The following SH3BP5 variants were observed in gnomAD, a reference collection of about 807,000 sequenced individuals.
The protein encoded by SH3BP5 is SH3 domain binding protein 5.
SH3BP5 carries 22 observed loss-of-function variants against 43.3 expected under a neutral mutation model. The ratio of observed to expected loss-of-function variants is 0.51; its 90% CI spans 0.36 to 0.73. The LOEUF (loss-of-function observed/expected upper bound fraction) is 0.73, where lower values mean the gene tolerates loss of function less well. Ranked by LOEUF, SH3BP5 falls within the 30% of genes least tolerant of loss-of-function variation. The pLI is 0.00. For synonymous variants in SH3BP5, 255 were observed against 225.8 expected (o/e 1.13, Z -1.16); for missense variants, 529 against 586.9 (o/e 0.90, Z 1.02).
intron 3 of SH3BP5, among the ~76,000 whole-genome samples, chr3:15,275,008 A>C (rs927567233): frequency 2.0e-5 from 3 of 152,146 alleles, no homozygotes; most frequent in African/African-American, 7.2e-5. Flanking sequence ...ATTCGACAGG[A>C]GATTTGGGAG....
rs1559432626 is a variant in SH3BP5 at position 15,272,559 on chromosome 3, A to AGATTTGATGATACCTCAGATCAAATTTT, written c.331-2683_331-2682insAAAATTTGATCTGAGGTATCATCAAATC. ...CATTACAAAACAGAGTGCCTGTAGGATAAAGACATTACAAAACAGAGTGCC... is the reference window on the plus strand; with the variant it reads ...CATTACAAAACAGAGTGCCTGTAGGAGATTTGATGATACCTCAGATCAAATTTTTAAAGACATTACAAAACAGAGTGCC... On this transcript the variant is annotated intron_variant, in intron 3 of 8. Coordinates refer to ENST00000383791, the MANE Select transcript of SH3BP5 (RefSeq NM_004844.5). Among the ~76,000 whole-genome samples the AGATTTGATGATACCTCAGATCAAATTTT allele has an allele frequency of 1.6e-4, 16 of 100,914 alleles. 2 individuals are homozygous for AGATTTGATGATACCTCAGATCAAATTTT. Among genetic ancestry groups the AGATTTGATGATACCTCAGATCAAATTTT allele is most frequent in the African/African-American group, 6.6e-4 (13 of 19,784 alleles). The allele number at this position is 100,914 out of a possible 152,430, so 66.2% of individuals were successfully genotyped here. A position where few individuals can be genotyped will look rare whatever the true frequency, so the allele number is the denominator to read the frequency against.
At chr3:15,319,708 C>T (rs997118648) in intron 2 of SH3BP5, among the ~76,000 whole-genome samples, 2 of 152,178 alleles carry the variant, frequency 1.3e-5, no homozygotes, top group South Asian at 2.1e-4. Context: ...AAAGGTCACA[C>T]GTAGGCACTC....
rs554838053 is a variant in SH3BP5 at position 15,254,803 on chromosome 3, G to A, written c.*1283C>T. 6.6e-6 allele frequency: 1 copy of A among 152,180 alleles called. No homozygotes were observed. The highest frequency in any genetic ancestry group is 1.5e-5 in the Non-Finnish European group (1 of 68,032). The allele number at this position is 152,180 out of a possible 1,614,324, so 9.4% of individuals were successfully genotyped here. ...CTTATGGAAAAAGGGTTGCCTAGAA[G>A]ATTTAGGCAATACTGGGAGTTCTTA... On this transcript the variant is annotated 3_prime_UTR_variant, in exon 9 of 9. Transcript: ENST00000383791.
chr3:15,265,915 T>C (rs993194027), intron 4 of SH3BP5, among the ~76,000 whole-genome samples: 5 of 152,036 alleles, frequency 3.3e-5, no homozygotes, highest in Admixed American at 1.3e-4. Context: ...TGGGCACCAC[T>C]GGGCACTGAT....
chr3:15,273,691 C>T lies in SH3BP5; in HGVS notation c.331-3814G>A, dbSNP rs573159595. On this transcript the variant is annotated intron_variant, in intron 3 of 8. Transcript: ENST00000383791. ...TGCCCCACTGTCTATTCTCTCTATT[C>T]GTTGTGGTCTCAAAGGGAGGCAATA... Among the ~76,000 whole-genome samples the T allele has an allele frequency of 3.9e-5, 6 of 152,302 alleles. No individual in the cohort carries two copies. The East Asian group carries it at 5.8e-4, about 15-fold the overall frequency.
intron 2 of SH3BP5, among the ~76,000 whole-genome samples, chr3:15,311,802 T>G (rs1009919382): frequency 6.6e-6 from 1 of 152,022 alleles, no homozygotes; most frequent in Non-Finnish European, 1.5e-5. Context: ...GCCTCCCAAG[T>G]AGCCGGGACT....
intron 3 of SH3BP5, among the ~76,000 whole-genome samples, chr3:15,303,049 C>T (rs1373162432): frequency 1.3e-5 from 2 of 152,094 alleles, no homozygotes; most frequent in African/African-American, 4.8e-5. Flanking sequence ...CTCAAGTGAT[C>T]TGCCCACCAA....
In SH3BP5 at chr3:15,262,208, G is replaced by C. The variant is rs1264974700; in HGVS notation, c.577C>G (p.Arg193Gly). The change falls in exon 5 of 9, where the codon CGC becomes GGC. Residue 193 changes from arginine to glycine, a missense_variant. Physicochemically the swap from Arg to Gly is moderately radical, Grantham distance 125 (BLOSUM62 -2). This residue lies in a region of SH3BP5 where 369 missense variants were observed against 384.3 expected (regional missense o/e 0.96). Coordinates refer to ENST00000383791, the MANE Select transcript of SH3BP5 (RefSeq NM_004844.5). ...TAARYNAAMG[R>G]MRQLEKKLKR... is the part of the protein sequence containing the mutation. ...AGTTTCTTCTCCAGCTGTCGCATGC[G>C]GCCCATGGCGGCATTGTACCTGGCT... 3 of 1,614,094 alleles carry C rather than the reference G, an allele frequency of 1.9e-6. No individual in the cohort carries two copies.
Position 15,256,858 on chromosome 3 carries a change from T to G in SH3BP5, c.1145A>C (p.Glu382Ala). The G allele has an allele frequency of 2.5e-6, 4 of 1,609,172 alleles. No individual in the cohort carries two copies. The highest frequency in any genetic ancestry group is 3.4e-6 in the Non-Finnish European group (4 of 1,176,246). ...SGASSPECEVERGDRAEGAEN... is the reference protein window; with the variant it reads ...SGASSPECEVARGDRAEGAEN... ...GTGAGAAGGCTGCTACTCACCTCGT[T>G]CTACTTCACATTCAGGGGAGGAGGC... The change falls in exon 8 of 9, where the codon GAA becomes GCA. Residue 382 changes from glutamate to alanine, a missense_variant. Glu to Ala is a moderately radical substitution (Grantham distance 107). Transcript: ENST00000383791.
chr3:15,259,727 TCTC>T, intron 6 of SH3BP5, 31 bp downstream of exon 6: 1 of 1,609,110 alleles, frequency 6.2e-7, no homozygotes. Flanking sequence ...TGCAGAAAAA[TCTC>T]ATCAGTGACG....
chr3:15,256,472 T>C, intron 8 of SH3BP5, 169 bp from the exon 9 acceptor site: 1 of 691,454 alleles, frequency 1.4e-6, no homozygotes, highest in Admixed American at 2.4e-5. Flanking sequence ...ACCGTGCCTA[T>C]CAGAGAGGTT....
intron 5 of SH3BP5, among the ~76,000 whole-genome samples, chr3:15,260,767 A>G (rs1696407372): frequency 6.6e-6 from 1 of 152,126 alleles, no homozygotes. Flanking sequence ...CAGGGTGGGC[A>G]TGGAGGTGGC....
chr3:15,262,107 A>T, intron 5 of SH3BP5, 52 bp downstream of exon 5: 2 of 1,603,014 alleles, frequency 1.2e-6, no homozygotes, highest in Non-Finnish European at 8.5e-7. Flanking sequence ...GGCTGAGAAG[A>T]TGCAGACTAG....
intron 2 of SH3BP5, among the ~76,000 whole-genome samples, chr3:15,315,759 T>G (rs1698170013): frequency 6.6e-6 from 1 of 152,196 alleles, no homozygotes; most frequent in Non-Finnish European, 1.5e-5. Context: ...TGTGTCAAGA[T>G]TCCATAACCA....
intron 3 of SH3BP5, among the ~76,000 whole-genome samples, chr3:15,283,981 C>T (rs1697197867): frequency 6.6e-6 from 1 of 152,198 alleles, no homozygotes; most frequent in Non-Finnish European, 1.5e-5. Context: ...GGTCCAAGGT[C>T]ACAGGGCTAG....
chr3:15,262,969 GT>G (rs757382193), intron 4 of SH3BP5, among the ~76,000 whole-genome samples: 3 of 152,054 alleles, frequency 2.0e-5, no homozygotes, highest in Non-Finnish European at 4.4e-5. Context: ...AAATATATAT[GT>G]ATATATAGAT....
intron 3 of SH3BP5, among the ~76,000 whole-genome samples, chr3:15,303,252 T>C (rs1697802734): frequency 6.6e-6 from 1 of 152,218 alleles, no homozygotes; most frequent in African/African-American, 2.4e-5. Context: ...TCTTGGGAAA[T>C]CTGAACTCTC....
intron 7 of SH3BP5, 50 bp downstream of exon 7, chr3:15,258,781 A>C: frequency 6.6e-7 from 1 of 1,517,438 alleles, no homozygotes. Context: ...TGGGAAACAA[A>C]TCACACAGTC....
chr3:15,316,680 G>A (rs911561106), intron 2 of SH3BP5, among the ~76,000 whole-genome samples: 33 of 151,056 alleles, frequency 2.2e-4, no homozygotes, highest in Non-Finnish European at 8.8e-5. Flanking sequence ...GGCCATCCTC[G>A]AATTTTTTTA....
Sources: allele counts gnomAD v4.1 joint callset (sites outside exome capture counted in the v4.1 genomes callset), GRCh38; gene constraint gnomAD v4.1.1; regional missense constraint gnomAD v4.1.1; transcripts MANE v1.5; gene names NCBI Gene and HGNC (gene_info 2026-07-23, HGNC 2026-07-21).